TRMT44: variants seen among roughly 807,000 people sequenced by gnomAD.
TRMT44 encodes the protein probable tRNA (uracil-O(2)-)-methyltransferase.
Under a neutral mutation model 77.3 loss-of-function variants are expected in TRMT44, and 78 were observed. The ratio of observed to expected loss-of-function variants is 1.01; its 90% CI spans 0.84 to 1.22. TRMT44 has a LOEUF of 1.22. Among genes scored for constraint, TRMT44 ranks in the 50% most tolerant of loss-of-function variants. TRMT44 has a pLI of 0.00. For missense variants in TRMT44, 1,090 were observed against 964.4 expected (o/e 1.13, Z -1.73); for synonymous variants, 391 against 383.3 (o/e 1.02, Z -0.23).
At chr4:8,494,116 G>C (rs745615516), downstream of TRMT44, among the ~76,000 whole-genome samples, 3 of 151,180 alleles carry the variant, frequency 2.0e-5, no homozygotes, top group Non-Finnish European at 4.4e-5. Context: ...AATCAATCTC[G>C]GGACCCCCAA....
At position 8,461,966 on chromosome 4, in the gene TRMT44, C is replaced by A. The variant is rs1444380914; in HGVS notation, c.1204-2019C>A. On this transcript the variant is annotated intron_variant, in intron 6 of 10. Coordinates refer to ENST00000389737, the MANE Select transcript of TRMT44 (RefSeq NM_152544.3). This position sits in a 1 kb window ranked among gnomAD's most constrained non-coding sequence, Gnocchi z 4.6. The stretch of plus-strand genomic sequence containing the variant: ...CTTTTTTTCTTTCTTTCAAAAACCT[C>A]ATTTGATTGCAAGCAAGAGAGTGTT... Among the ~76,000 whole-genome samples the A allele has an allele frequency of 6.6e-6, 1 of 152,194 alleles. No individual in the cohort carries two copies. Among genetic ancestry groups the A allele is most frequent in the South Asian group, 2.1e-4 (1 of 4,828 alleles).
chr4:8,467,545 C>T (rs1579073452), intron 8 of TRMT44, among the ~76,000 whole-genome samples: 1 of 152,144 alleles, frequency 6.6e-6, no homozygotes, highest in Admixed American at 6.5e-5. Context: ...TGCATTGGCA[C>T]AATCTTGGCT....
At position 8,440,941 on chromosome 4, in the gene TRMT44, G is replaced by GCGCCCGCCTGGAGGCCCGCTGGAGCGC; in HGVS notation, c.125_151dup (p.Arg42_Ala50dup). 6.5e-7 allele frequency: 1 copy of GCGCCCGCCTGGAGGCCCGCTGGAGCGC among 1,529,758 alleles called. No homozygotes were observed. The highest frequency in any genetic ancestry group is 8.7e-7 in the Non-Finnish European group (1 of 1,145,248). The allele number at this position is 1,529,758 out of a possible 1,614,324, so 94.8% of individuals were successfully genotyped here. On this transcript the variant is annotated inframe_insertion, in exon 1 of 11. Transcript: ENST00000389737. ...CAGGTGGCAAACAAACGGCTTTGCGGCGCCCGCCTGGAGGCCCGCTGGAGC... is the reference window on the plus strand; with the variant it reads ...CAGGTGGCAAACAAACGGCTTTGCGGCGCCCGCCTGGAGGCCCGCTGGAGCGCCGCCCGCCTGGAGGCCCGCTGGAGC...
At chr4:8,490,830 AG>A (rs1727977900) in intron 2 of TRMT44, among the ~76,000 whole-genome samples, 1 of 152,158 alleles carries the variant, frequency 6.6e-6, no homozygotes, top group African/African-American at 2.4e-5. Context: ...TGATTGGTAG[AG>A]CCAAGTGGTC....
chr4:8,475,806 A>T lies in TRMT44; in HGVS notation c.2079A>T (p.Arg693=). ...GGAGAGTTCACATCCGCGACTGGCG[A>T]GAGGAGACACTGTGGAAGACAAAGC... The part of the protein sequence containing the change: ...VNGRVHIRDW[R]EETLWKTKQP... The change falls in exon 11 of 11, where the codon CGA becomes CGT. Residue 693 remains arginine, a synonymous_variant. Coordinates refer to ENST00000389737, the MANE Select transcript of TRMT44 (RefSeq NM_152544.3). 1 of 1,614,150 alleles carries T rather than the reference A, an allele frequency of 6.2e-7. No individual in the cohort carries two copies. The highest frequency in any genetic ancestry group is 8.5e-7 in the Non-Finnish European group (1 of 1,180,042).
intron 2 of TRMT44, among the ~76,000 whole-genome samples, chr4:8,447,763 T>A (rs931595946): frequency 3.5e-4 from 53 of 152,340 alleles, no homozygotes; most frequent in African/African-American, 1.3e-3. Flanking sequence ...CTGAGGTCCC[T>A]TCCTGCTAGC....
chr4:8,483,824 G>C (rs1328905605), intron 2 of TRMT44, among the ~76,000 whole-genome samples: 5 of 152,214 alleles, frequency 3.3e-5, no homozygotes, highest in Non-Finnish European at 4.4e-5. Flanking sequence ...GGCCTTCTCA[G>C]ACCCTGTAGG....
downstream of TRMT44, among the ~76,000 whole-genome samples, chr4:8,495,609 G>C (rs958553777): frequency 3.9e-4 from 59 of 152,310 alleles, 1 homozygote; most frequent in African/African-American, 1.4e-3. Context: ...CACAAAGGCA[G>C]CCCTCAAATT....
At chr4:8,450,229 T>C (rs73211378) in intron 3 of TRMT44, among the ~76,000 whole-genome samples, 2,414 of 152,180 alleles carry the variant, frequency 0.016, 17 homozygotes, top group Middle Eastern at 0.037. Flanking sequence ...AGCCACCGTG[T>C]CCAGCTCACC....
intron 6 of TRMT44, among the ~76,000 whole-genome samples, chr4:8,456,541 TAAA>T (rs79030141): frequency 5.5e-5 from 7 of 126,130 alleles, no homozygotes; most frequent in Non-Finnish European, 8.5e-5. Context: ...GAACTGTTGT[TAAA>T]AAAAAAAAAA....
At chr4:8,491,207 C>A (rs79612320) in intron 2 of TRMT44, among the ~76,000 whole-genome samples, 1 of 152,158 alleles carries the variant, frequency 6.6e-6, no homozygotes, top group Admixed American at 6.5e-5. Context: ...CCCACCAGAG[C>A]AGCTAGATAC....
chr4:8,499,430 C>T, the TRMT44 span, among the ~76,000 whole-genome samples: 1 of 152,166 alleles, frequency 6.6e-6, no homozygotes, highest in Non-Finnish European at 1.5e-5. Context: ...TACATTTCTC[C>T]ATCCACGGAG....
Position 8,446,474 on chromosome 4 carries a change from A to C in TRMT44, c.620-2A>C. 6.5e-7 allele frequency: 1 copy of C among 1,528,824 alleles called. No individual in the cohort carries two copies. The highest frequency in any genetic ancestry group is 8.8e-7 in the Non-Finnish European group (1 of 1,140,530). The allele number at this position is 1,528,824 out of a possible 1,614,324, so 94.7% of individuals were successfully genotyped here. A position where few individuals can be genotyped will look rare whatever the true frequency, so the allele number is the denominator to read the frequency against. On this transcript the variant is annotated splice_acceptor_variant, in intron 1 of 10. Transcript: ENST00000389737. LOFTEE classifies it high-confidence loss of function. The surrounding 1 kb of genome is among the most constrained non-coding windows in gnomAD (Gnocchi z 4.3). Reference sequence around the variant, plus strand: ...TTGTCCTTCTTCTCTTTTTCTTTCCAGATGTCCTCAATGGAACCATAACGT... The same window carrying C: ...TTGTCCTTCTTCTCTTTTTCTTTCCCGATGTCCTCAATGGAACCATAACGT...
chr4:8,493,625 G>A (rs1407217565), downstream of TRMT44: 1 of 152,216 alleles, frequency 6.6e-6, no homozygotes, highest in Non-Finnish European at 1.5e-5. Flanking sequence ...ACAGTGCTGA[G>A]AGGCATTCAC....
chr4:8,492,702 T>C (rs1213949735), intron 2 of TRMT44, among the ~76,000 whole-genome samples: 1 of 152,146 alleles, frequency 6.6e-6, no homozygotes, highest in Non-Finnish European at 1.5e-5. Context: ...ATGACAGAAC[T>C]CAAAGCCACC....
At chr4:8,454,241 T>A (rs1725643162) in intron 5 of TRMT44, among the ~76,000 whole-genome samples, 1 of 152,216 alleles carries the variant, frequency 6.6e-6, no homozygotes, top group Non-Finnish European at 1.5e-5. Context: ...CTGTGGTCAC[T>A]CAACTCCATG....
downstream of TRMT44, chr4:8,479,323 A>G (rs1440840500): frequency 2.0e-5 from 3 of 151,952 alleles, no homozygotes; most frequent in Non-Finnish European, 4.4e-5. Flanking sequence ...AAGCACAGTC[A>G]TGTGTCAATT....
chr4:8,459,887 G>C lies in TRMT44; in HGVS notation c.1204-4098G>C, dbSNP rs760485990. Among the ~76,000 whole-genome samples, 3 of 152,324 alleles carry C rather than the reference G, an allele frequency of 2.0e-5. 1 individual carries two copies. The South Asian group carries it at 6.2e-4, about 32-fold the overall frequency. On this transcript the variant is annotated intron_variant, in intron 6 of 10. Coordinates refer to ENST00000389737, the MANE Select transcript of TRMT44 (RefSeq NM_152544.3). ...AGCAGGTTCGAGGGTGGTGGCAGGT[G>C]CTGAGGAGGAGGCTGGGGGTGTTGT...
chr4:8,492,976 C>T (rs939184575), intron 2 of TRMT44, among the ~76,000 whole-genome samples: 5 of 152,186 alleles, frequency 3.3e-5, no homozygotes, highest in South Asian at 2.1e-4. Flanking sequence ...GGCTGTGTCA[C>T]GGGCACACAT....
Sources: gnomAD v4.1 joint callset for allele counts (sites outside exome capture counted in the v4.1 genomes callset) on GRCh38, gnomAD v4.1.1 for gene constraint, Gnocchi (gnomAD v3.1) non-coding constraint, MANE v1.5 for transcripts, NCBI Gene and HGNC (gene_info 2026-07-23, HGNC 2026-07-21) for gene names.